Variants in ASTN1 observed in about 807,000 individuals in gnomAD.
ASTN1 encodes astrotactin-1.
Under a neutral mutation model 140.7 loss-of-function variants are expected in ASTN1, and 41 were observed. That is an observed-to-expected ratio of 0.29 (90% CI 0.23 to 0.38). ASTN1 has a LOEUF of 0.38. ASTN1 is among the 10% of genes least tolerant of loss of function. The pLI is 1.00. For synonymous variants in ASTN1, 640 were observed against 652.2 expected (o/e 0.98, Z 0.29); for missense variants, 1,479 against 1,678.8 (o/e 0.88, Z 2.08).
chr1:177,145,554 G>A (rs568407699), intron 1 of ASTN1, among the ~76,000 whole-genome samples: 2 of 152,298 alleles, frequency 1.3e-5, no homozygotes, highest in African/African-American at 2.4e-5. Flanking sequence ...AGAGGTTATT[G>A]TGTGTGTATA....
rs1668003105 is a variant in ASTN1 at position 176,862,518 on chromosome 1, G to C, written c.*1766C>G. On this transcript the variant is annotated 3_prime_UTR_variant, in exon 23 of 23. Transcript: ENST00000361833. ...AGCTCTCTGGGCAGGTTCCCTGTGG[G>C]GCTGAGAGCTTGGACAGTTGTGTGC... is the stretch of plus-strand genomic sequence containing the variant. 1.0e-6 allele frequency: 1 copy of C among 985,278 alleles called. No homozygotes were observed. Among genetic ancestry groups the C allele is most frequent in the Admixed American group, 6.2e-5 (1 of 16,260 alleles). The allele number at this position is 985,278 out of a possible 1,614,324, so 61.0% of individuals were successfully genotyped here. A position where few individuals can be genotyped will look rare whatever the true frequency, so the allele number is the denominator to read the frequency against.
chr1:177,134,208 A>G (rs1191448606), intron 1 of ASTN1, among the ~76,000 whole-genome samples: 1 of 152,228 alleles, frequency 6.6e-6, no homozygotes. Flanking sequence ...ATGTCATTGC[A>G]TCAACACTAA....
chr1:176,867,112 C>T (rs1319662712), intron 22 of ASTN1, among the ~76,000 whole-genome samples: 1 of 152,196 alleles, frequency 6.6e-6, no homozygotes, highest in Non-Finnish European at 1.5e-5. Context: ...TACATTTCTT[C>T]CCCTGCTCAC....
intron 1 of ASTN1, among the ~76,000 whole-genome samples, chr1:177,150,817 T>C (rs1051305660): frequency 4.6e-5 from 7 of 152,162 alleles, no homozygotes; most frequent in Non-Finnish European, 8.8e-5. Flanking sequence ...TGCTTATTTT[T>C]GTAAATAAAA....
intron 7 of ASTN1, 65 bp from the exon 8 acceptor site, chr1:177,014,940 G>A (rs1056327411): frequency 3.3e-5 from 47 of 1,439,158 alleles, no homozygotes; most frequent in Non-Finnish European, 4.4e-5. Flanking sequence ...GTCTGTGTTT[G>A]TAAAAATTAA....
chr1:177,110,824 A>C (rs1048707973), intron 1 of ASTN1, among the ~76,000 whole-genome samples: 1 of 152,232 alleles, frequency 6.6e-6, no homozygotes, highest in Non-Finnish European at 1.5e-5. Context: ...TCCACTGTAG[A>C]AAAAAGAAAT....
chr1:176,871,091 G>A (rs1668322969), intron 21 of ASTN1, among the ~76,000 whole-genome samples: 1 of 152,164 alleles, frequency 6.6e-6, no homozygotes, highest in South Asian at 2.1e-4. Context: ...AGGTACAGGA[G>A]GCAGAGTCAT....
intron 20 of ASTN1, among the ~76,000 whole-genome samples, chr1:176,878,651 C>G (rs912394402): frequency 6.6e-6 from 1 of 151,814 alleles, no homozygotes; most frequent in African/African-American, 2.4e-5. Flanking sequence ...GTTCCTGGTT[C>G]AATCCCACAA....
chr1:177,153,901 C>A (rs1007676972), intron 1 of ASTN1, among the ~76,000 whole-genome samples: 2 of 151,842 alleles, frequency 1.3e-5, no homozygotes, highest in African/African-American at 4.8e-5. Context: ...AGTGGATTGA[C>A]AAATATTAGA....
intron 14 of ASTN1, among the ~76,000 whole-genome samples, chr1:176,937,716 A>G (rs1021461624): frequency 9.2e-5 from 14 of 152,160 alleles, no homozygotes; most frequent in African/African-American, 2.7e-4. Context: ...ACATATTTAT[A>G]TATATACAAA....
At chr1:177,066,946 T>A (rs1041368728) in intron 1 of ASTN1, among the ~76,000 whole-genome samples, 1 of 152,112 alleles carries the variant, frequency 6.6e-6, no homozygotes, top group Non-Finnish European at 1.5e-5. Context: ...TTTAGCCTCA[T>A]GTTGAGGGCA....
chr1:177,155,431 T>A (rs1198680654), intron 1 of ASTN1, among the ~76,000 whole-genome samples: 1 of 152,160 alleles, frequency 6.6e-6, no homozygotes, highest in Non-Finnish European at 1.5e-5. Flanking sequence ...ACTAACTATA[T>A]CATAAATGTA....
At chr1:176,908,164 G>A (rs1413708712) in intron 16 of ASTN1, among the ~76,000 whole-genome samples, 1 of 145,430 alleles carries the variant, frequency 6.9e-6, no homozygotes, top group South Asian at 2.1e-4. Flanking sequence ...CACACACAGA[G>A]TTAGCTTTTT....
intron 1 of ASTN1, among the ~76,000 whole-genome samples, chr1:177,135,021 C>T (rs1682123879): frequency 6.6e-6 from 1 of 152,052 alleles, no homozygotes; most frequent in African/African-American, 2.4e-5. Flanking sequence ...CCTCAATGAC[C>T]TTCAATGCAA....
chr1:177,149,383 A>AATATATATAGTATATATATAGTAAAT (rs1682901213), intron 1 of ASTN1, among the ~76,000 whole-genome samples: 4 of 66,964 alleles, frequency 6.0e-5, no homozygotes, highest in African/African-American at 1.1e-4. Context: ...ATATATAGTA[A>AATATATATAGTATATATATAGTAAAT]ATATATATAG....
intron 16 of ASTN1, among the ~76,000 whole-genome samples, chr1:176,900,038 T>C (rs10798488): frequency 0.31 from 47,786 of 152,112 alleles, 9,023 homozygotes; most frequent in East Asian, 0.73. Context: ...TCTATCTCCA[T>C]ATATCCATGA....
Position 177,014,779 on chromosome 1 carries a change from G to A in ASTN1, c.1523+12C>T. On this transcript the variant is annotated intron_variant, in intron 8 of 22. Transcript: ENST00000361833. ...ATGTGGGAACCAGCTAAGTCGTCAT[G>A]CCCTCACTTACCCCTGGTTTGTCCC... is the stretch of plus-strand genomic sequence containing the variant. 1 of 1,609,512 alleles carries A rather than the reference G, an allele frequency of 6.2e-7. No individual in the cohort carries two copies. The highest frequency in any genetic ancestry group is 8.5e-7 in the Non-Finnish European group (1 of 1,175,966).
At chr1:177,042,382 C>T (rs4652223) in intron 2 of ASTN1, among the ~76,000 whole-genome samples, 86,195 of 152,052 alleles carry the variant, frequency 0.57, 24,845 homozygotes, top group Non-Finnish European at 0.61. Flanking sequence ...AAAGATCACA[C>T]AGCTGATGGT....
At position 176,992,452 on chromosome 1, in the gene ASTN1, G is replaced by T. The variant is rs192478283; in HGVS notation, c.1523+22339C>A. ...TGCCTTGAACGTTGTAAAAAAAAAT[G>T]AGTTGAGAGACAATGAGAATTCTGC... On this transcript the variant is annotated intron_variant, in intron 8 of 22. Coordinates refer to ENST00000361833, the MANE Select transcript of ASTN1 (RefSeq NM_004319.3). 1.1e-4 allele frequency among the ~76,000 whole-genome samples: 16 copies of T among 151,978 alleles called. No homozygotes were observed. In the East Asian group the frequency reaches 3.1e-3, roughly 29 times the overall value.
Sources: gnomAD v4.1 joint callset for allele counts (sites outside exome capture counted in the v4.1 genomes callset) on GRCh38, gnomAD v4.1.1 for gene constraint, MANE v1.5 for transcripts, NCBI Gene and HGNC (gene_info 2026-07-23, HGNC 2026-07-21) for gene names.